CDH6: variants seen among roughly 807,000 people sequenced by gnomAD.
The protein encoded by CDH6 is cadherin 6, also known as cadherin-6.
Under a neutral mutation model 78.0 loss-of-function variants are expected in CDH6, and 31 were observed. The ratio of observed to expected loss-of-function variants is 0.40; its 90% CI spans 0.30 to 0.54. The LOEUF (loss-of-function observed/expected upper bound fraction) is 0.54, where lower values mean the gene tolerates loss of function less well. CDH6 is among the 20% of genes least tolerant of loss of function. The probability of loss-of-function intolerance (pLI) is 0.56; values close to 1 mark genes in which losing one functional copy is unlikely to be tolerated. For missense variants in CDH6, 724 were observed against 975.9 expected (o/e 0.74, Z 3.44); for synonymous variants, 376 against 368.8 (o/e 1.02, Z -0.23).
chr5:31,222,063 C>T (rs892576162), intron 1 of CDH6, among the ~76,000 whole-genome samples: 1 of 152,218 alleles, frequency 6.6e-6, no homozygotes, highest in Non-Finnish European at 1.5e-5. Flanking sequence ...CTATAAAATA[C>T]CTTTTTCTAT....
chr5:31,295,847 A>C (rs1304331231), intron 3 of CDH6, among the ~76,000 whole-genome samples: 1 of 152,236 alleles, frequency 6.6e-6, no homozygotes, highest in Non-Finnish European at 1.5e-5. Context: ...ATGATAAAAC[A>C]GGTACAGAGT....
intron 2 of CDH6, among the ~76,000 whole-genome samples, chr5:31,276,861 A>G (rs951339368): frequency 6.6e-6 from 1 of 152,244 alleles, no homozygotes; most frequent in Non-Finnish European, 1.5e-5. Flanking sequence ...CTTAATACAC[A>G]GAAAAGGCTT....
At chr5:31,231,904 T>C (rs916029885) in intron 1 of CDH6, among the ~76,000 whole-genome samples, 2 of 152,248 alleles carry the variant, frequency 1.3e-5, no homozygotes, top group African/African-American at 4.8e-5. Context: ...TTTAGACCTT[T>C]GCTCTTAGAA....
Position 31,281,008 on chromosome 5 carries a change from T to C in CDH6, c.229-12954T>C, listed in dbSNP as rs1271900883. Among the ~76,000 whole-genome samples the C allele has an allele frequency of 2.0e-5, 3 of 152,102 alleles. No homozygotes were observed. The East Asian group carries it at 5.8e-4, about 29-fold the overall frequency. Reference sequence around the variant, plus strand: ...GAGGTTATAGAATTCAATTTACTCATCATTTATTGTGCACATACAGGATGC... The same window carrying C: ...GAGGTTATAGAATTCAATTTACTCACCATTTATTGTGCACATACAGGATGC... On this transcript the variant is annotated intron_variant, in intron 2 of 11. Transcript: ENST00000265071.
chr5:31,214,986 A>G (rs968567670), intron 1 of CDH6, among the ~76,000 whole-genome samples: 4 of 152,126 alleles, frequency 2.6e-5, no homozygotes, highest in African/African-American at 9.7e-5. Context: ...CTTTGGGATA[A>G]ATTGGCAACT....
At chr5:31,199,588 C>A (rs1740280945) in intron 1 of CDH6, among the ~76,000 whole-genome samples, 1 of 145,168 alleles carries the variant, frequency 6.9e-6, no homozygotes, top group African/African-American at 2.5e-5. Flanking sequence ...TATATCTATA[C>A]ACACACATAT....
chr5:31,229,858 G>GT (rs1443892835), intron 1 of CDH6, among the ~76,000 whole-genome samples: 2 of 152,180 alleles, frequency 1.3e-5, no homozygotes, highest in Non-Finnish European at 2.9e-5. Flanking sequence ...CCTTGGTGAC[G>GT]TAAGGGACTT....
At chr5:31,287,880 A>G (rs535423689) in intron 2 of CDH6, among the ~76,000 whole-genome samples, 1 of 152,360 alleles carries the variant, frequency 6.6e-6, no homozygotes, top group South Asian at 2.1e-4. Flanking sequence ...GGGTCAACGC[A>G]GAACTACAAT....
rs1449427547 is a variant in CDH6, at chr5:31,324,924, A to G, written c.*1616A>G. On this transcript the variant is annotated 3_prime_UTR_variant, in exon 12 of 12. Coordinates refer to ENST00000265071, the MANE Select transcript of CDH6 (RefSeq NM_004932.4). ...TGAAAACCTAAAAGACAGGCTCTGT[A>G]TATATATATACTTAAGAATATGCTG... 6 of 196,410 alleles carry G rather than the reference A, an allele frequency of 3.1e-5. No individual in the cohort carries two copies. The highest frequency in any genetic ancestry group is 6.3e-5 in the Non-Finnish European group (6 of 94,842). 12.2% of individuals were successfully genotyped at this position (196,410 alleles called of 1,614,324 possible).
chr5:31,267,610 A>C lies in CDH6; in HGVS notation c.137A>C (p.Asn46Thr). The C allele has an allele frequency of 2.5e-6, 4 of 1,614,152 alleles. No homozygotes were observed. Among genetic ancestry groups the C allele is most frequent in the Middle Eastern group, 3.3e-4 (2 of 6,062 alleles). The change falls in exon 2 of 12, where the codon AAT becomes ACT. Residue 46 changes from asparagine to threonine, a missense_variant. Around this residue, in one of 3 missense-constraint regions of CDH6, gnomAD observed 58 missense variants for 50.8 expected, o/e 1.14. Transcript: ENST00000265071. ...RALELSGNSKNELNRSKRSWM... is the reference protein window; with the variant it reads ...RALELSGNSKTELNRSKRSWM... ...CTGGAGCTCTCTGGAAACAGCAAAA[A>C]TGAGCTGAACCGTTCAAAAAGGAGC...
At chr5:31,205,140 T>A (rs935840003) in intron 1 of CDH6, among the ~76,000 whole-genome samples, 1 of 152,180 alleles carries the variant, frequency 6.6e-6, no homozygotes, top group Non-Finnish European at 1.5e-5. Flanking sequence ...TGTAAGCACA[T>A]AGGGAAGGCT....
intron 1 of CDH6, among the ~76,000 whole-genome samples, chr5:31,254,657 T>G (rs1742003164): frequency 6.6e-6 from 1 of 152,206 alleles, no homozygotes; most frequent in Admixed American, 6.5e-5. Flanking sequence ...CTGTACCAGT[T>G]ATGCTGTTTA....
At chr5:31,204,452 T>A (rs534914065) in intron 1 of CDH6, among the ~76,000 whole-genome samples, 3 of 152,294 alleles carry the variant, frequency 2.0e-5, no homozygotes, top group Admixed American at 2.0e-4. Context: ...AGTAAAGTGC[T>A]CTCAAGCAAC....
At chr5:31,281,271 C>G (rs746273468) in intron 2 of CDH6, among the ~76,000 whole-genome samples, 2 of 146,690 alleles carry the variant, frequency 1.4e-5, no homozygotes, top group African/African-American at 2.5e-5. Flanking sequence ...TCTATTGATA[C>G]TCTCCTCCAA....
chr5:31,264,482 C>T (rs1742288300), intron 1 of CDH6, among the ~76,000 whole-genome samples: 1 of 152,088 alleles, frequency 6.6e-6, no homozygotes, highest in Non-Finnish European at 1.5e-5. Context: ...ACCATTTTCC[C>T]AGGTTCACAG....
Position 31,193,808 on chromosome 5 carries a change from C to CGCG in CDH6, c.-190_-188dup, listed in dbSNP as rs959101187. ...CAGCAAGAACGGCAGAGCCGGCGAC[C>CGCG]GCGGCGGCGGCGGCGGCGGAGGCAG... On this transcript the variant is annotated 5_prime_UTR_variant, in exon 1 of 12. Transcript: ENST00000265071. 7.6e-4 allele frequency: 117 copies of CGCG among 154,084 alleles called. No homozygotes were observed. The highest frequency in any genetic ancestry group is 4.1e-4 in the African/African-American group (17 of 41,572). The allele number at this position is 154,084 out of a possible 1,614,324, so 9.5% of individuals were successfully genotyped here.
chr5:31,313,549 A>G, intron 8 of CDH6, 95 bp downstream of exon 8: 2 of 1,160,776 alleles, frequency 1.7e-6, no homozygotes, highest in Admixed American at 4.0e-5. Flanking sequence ...TGTATTGACA[A>G]TCCCACTTGA....
chr5:31,310,218 T>TGGCCAAAATCAAGG (rs70955703), intron 7 of CDH6, among the ~76,000 whole-genome samples: 1 of 152,040 alleles, frequency 6.6e-6, no homozygotes, highest in Admixed American at 6.5e-5. Context: ...AGGGAGATAT[T>TGGCCAAAATCAAGG]GGCCACAGGC....
intron 7 of CDH6, among the ~76,000 whole-genome samples, chr5:31,311,819 C>T (rs749863687): frequency 2.0e-5 from 3 of 152,206 alleles, no homozygotes; most frequent in East Asian, 3.9e-4. Context: ...CCTCCCATCA[C>T]GCCCCTCCTT....
Sources: gnomAD v4.1 joint callset for allele counts (sites outside exome capture counted in the v4.1 genomes callset) on GRCh38, gnomAD v4.1.1 for gene constraint, gnomAD v4.1.1 regional missense constraint, MANE v1.5 for transcripts, NCBI Gene and HGNC (gene_info 2026-07-23, HGNC 2026-07-21) for gene names.